Variants in PCSK2 observed in about 807,000 individuals in gnomAD.
PCSK2 encodes the protein proprotein convertase subtilisin/kexin type 2.
A neutral mutation model predicts 69.7 loss-of-function variants in PCSK2; 14 were observed. The observed-to-expected ratio is 0.20, with a 90% CI of 0.13 to 0.31. PCSK2 has a LOEUF of 0.31. PCSK2 is among the 10% of genes least tolerant of loss of function. The probability of loss-of-function intolerance (pLI) is 1.00; values close to 1 mark genes in which losing one functional copy is unlikely to be tolerated. For synonymous variants in PCSK2, 307 were observed against 320.7 expected (o/e 0.96, Z 0.46); for missense variants, 544 against 842.5 (o/e 0.65, Z 4.39).
intron 1 of PCSK2, among the ~76,000 whole-genome samples, chr20:17,231,856 C>G (rs1986153810): frequency 6.6e-6 from 1 of 152,114 alleles, no homozygotes; most frequent in Admixed American, 6.5e-5. Context: ...TGGTTTTAGA[C>G]CTGAAGTCTT....
At chr20:17,376,478 C>T (rs2030930837) in intron 5 of PCSK2, among the ~76,000 whole-genome samples, 2 of 152,226 alleles carry the variant, frequency 1.3e-5, no homozygotes, top group South Asian at 4.1e-4. Flanking sequence ...AGAATATTGG[C>T]TTCTAGGCCT....
intron 2 of PCSK2, among the ~76,000 whole-genome samples, chr20:17,270,388 C>G (rs1355294848): frequency 6.6e-6 from 1 of 151,962 alleles, no homozygotes; most frequent in African/African-American, 2.4e-5. Flanking sequence ...CCAGTAATTT[C>G]AAAGCTTTAT....
chr20:17,459,386 G>A (rs1206231951), intron 10 of PCSK2, among the ~76,000 whole-genome samples: 1 of 152,124 alleles, frequency 6.6e-6, no homozygotes, highest in Non-Finnish European at 1.5e-5. Flanking sequence ...GAACATTCTT[G>A]TACATGCCTT....
chr20:17,271,228 G>A (rs1325942096), intron 2 of PCSK2, among the ~76,000 whole-genome samples: 1 of 151,390 alleles, frequency 6.6e-6, no homozygotes, highest in East Asian at 1.9e-4. Flanking sequence ...CAATTCAATA[G>A]TACCCTAAAA....
chr20:17,264,544 G>A (rs1283320913), intron 2 of PCSK2, among the ~76,000 whole-genome samples: 1 of 152,186 alleles, frequency 6.6e-6, no homozygotes, highest in African/African-American at 2.4e-5. Context: ...TTCTGGTAGT[G>A]ATCTGTTTTT....
chr20:17,330,891 C>T (rs937274590), intron 2 of PCSK2, among the ~76,000 whole-genome samples: 1 of 152,100 alleles, frequency 6.6e-6, no homozygotes, highest in African/African-American at 2.4e-5. Context: ...AGGCAGGAAG[C>T]AGAAGCATAG....
In PCSK2 at chr20:17,456,365, C is replaced by A; in HGVS notation, c.1119C>A (p.Tyr373Ter). The change falls in exon 10 of 12, where the codon TAC (tyrosine) becomes TAA (stop). Residue 373 changes from tyrosine (Y) to a stop codon, truncating the protein, a stop_gained. Coordinates refer to ENST00000262545, the MANE Select transcript of PCSK2 (RefSeq NM_002594.5). LOFTEE classifies it high-confidence loss of function. ...CCTTCCAGGCAACCACAGATTTGTA[C>A]GGCAACTGCACTCTGAGGCATTCTG... ...PEAGVATTDLYGNCTLRHSGT... is the reference protein window; with the variant it reads ...PEAGVATTDL 1 of 1,609,092 alleles carries A rather than the reference C, an allele frequency of 6.2e-7. No homozygotes were observed. Among genetic ancestry groups the A allele is most frequent in the Non-Finnish European group, 8.5e-7 (1 of 1,175,420 alleles).
intron 2 of PCSK2, among the ~76,000 whole-genome samples, chr20:17,356,923 G>A (rs2030219995): frequency 6.6e-6 from 1 of 152,172 alleles, no homozygotes; most frequent in Admixed American, 6.5e-5. Flanking sequence ...GCCTGCAGCA[G>A]GCGGGCACCT....
rs1375103667 is a variant in PCSK2 at position 17,451,976 on chromosome 20, T to C, written c.886-1766T>C. Among the ~76,000 whole-genome samples, 3 of 143,942 alleles carry C rather than the reference T, an allele frequency of 2.1e-5. No individual in the cohort carries two copies. The East Asian group carries it at 6.1e-4, about 29-fold the overall frequency. 94.4% of individuals were successfully genotyped at this position (143,942 alleles called of 152,430 possible). A position where few individuals can be genotyped will look rare whatever the true frequency, so the allele number is the denominator to read the frequency against. ...TTCTGTCACCCGGGCTGGAGTGCAG[T>C]GGCACAATCTCGGCTCACTGCACCT... is the stretch of plus-strand genomic sequence containing the variant. On this transcript the variant is annotated intron_variant, in intron 8 of 11. Transcript: ENST00000262545.
rs143683379 is a variant in PCSK2 at position 17,408,746 on chromosome 20, C to G, written c.544-517C>G. On this transcript the variant is annotated intron_variant, in intron 5 of 11. Coordinates refer to ENST00000262545, the MANE Select transcript of PCSK2 (RefSeq NM_002594.5). ...AAATAAGGTCAATTGTGGACAACGT[C>G]AGGGCCTTGGGCATGGGGTTTAAAA... is the stretch of plus-strand genomic sequence containing the variant. Among the ~76,000 whole-genome samples the G allele has an allele frequency of 4.1e-4, 63 of 152,304 alleles. 1 individual carries two copies. The highest frequency in any genetic ancestry group is 1.3e-3 in the African/African-American group (54 of 41,554).
chr20:17,278,058 A>C (rs1988158662), intron 2 of PCSK2, among the ~76,000 whole-genome samples: 1 of 152,206 alleles, frequency 6.6e-6, no homozygotes, highest in African/African-American at 2.4e-5. Flanking sequence ...ATCATTAAAA[A>C]GTCAGGAAAC....
intron 2 of PCSK2, among the ~76,000 whole-genome samples, chr20:17,303,508 T>G (rs549442247): frequency 0.031 from 1,416 of 45,236 alleles, 80 homozygotes; most frequent in African/African-American, 0.099. Context: ...ATAATATATA[T>G]TATATATAAT....
Position 17,482,546 on chromosome 20 carries a change from G to C in PCSK2, c.*476G>C, listed in dbSNP as rs1186016376. Reference sequence around the variant, plus strand: ...CATCTCTGAAAGCACAGGAGACACTGTGCTATAAATCCTTTGGGGAGCGAT... The same window carrying C: ...CATCTCTGAAAGCACAGGAGACACTCTGCTATAAATCCTTTGGGGAGCGAT... On this transcript the variant is annotated 3_prime_UTR_variant, in exon 12 of 12. Coordinates refer to ENST00000262545, the MANE Select transcript of PCSK2 (RefSeq NM_002594.5). 6.6e-6 allele frequency: 1 copy of C among 152,422 alleles called. No homozygotes were observed. The highest frequency in any genetic ancestry group is 1.9e-4 in the East Asian group (1 of 5,194). 9.4% of individuals were successfully genotyped at this position (152,422 alleles called of 1,614,324 possible).
At chr20:17,299,147 A>T (rs1988994344) in intron 2 of PCSK2, among the ~76,000 whole-genome samples, 1 of 152,106 alleles carries the variant, frequency 6.6e-6, no homozygotes, top group Non-Finnish European at 1.5e-5. Flanking sequence ...GTCTATTCTG[A>T]GATCAACATT....
intron 5 of PCSK2, among the ~76,000 whole-genome samples, chr20:17,378,590 CGGATGGATGGATGGAT>C (rs57945532): frequency 0.09 from 12,279 of 136,226 alleles, 664 homozygotes; most frequent in Non-Finnish European, 0.13. Context: ...GATGGATGGA[CGGATGGATGGATGGAT>C]GGATGGATGG....
intron 5 of PCSK2, among the ~76,000 whole-genome samples, chr20:17,400,971 T>C (rs747509333): frequency 2.6e-5 from 4 of 152,226 alleles, no homozygotes; most frequent in Admixed American, 1.3e-4. Context: ...AGAATGAATA[T>C]ATTTAAATAT....
chr20:17,248,818 T>A (rs1986864391), intron 1 of PCSK2, among the ~76,000 whole-genome samples: 1 of 152,192 alleles, frequency 6.6e-6, no homozygotes, highest in Admixed American at 6.5e-5. Flanking sequence ...CCATCAGGAA[T>A]TCCAGGCCAA....
At chr20:17,427,258 T>C (rs1305924082) in intron 6 of PCSK2, among the ~76,000 whole-genome samples, 2 of 152,210 alleles carry the variant, frequency 1.3e-5, no homozygotes, top group Non-Finnish European at 2.9e-5. Flanking sequence ...TCTAACACTA[T>C]TCCCTAAGTG....
At chr20:17,272,859 G>A (rs1048097535) in intron 2 of PCSK2, among the ~76,000 whole-genome samples, 1 of 152,096 alleles carries the variant, frequency 6.6e-6, no homozygotes, top group African/African-American at 2.4e-5. Context: ...GAATCTGGTT[G>A]ATTTGTGTGT....
Sources: gnomAD v4.1 joint callset for allele counts (sites outside exome capture counted in the v4.1 genomes callset) on GRCh38, gnomAD v4.1.1 for gene constraint, MANE v1.5 for transcripts, NCBI Gene and HGNC (gene_info 2026-07-23, HGNC 2026-07-21) for gene names.